The following DIS3L2 variants were observed in gnomAD, a reference collection of about 807,000 sequenced individuals.
DIS3L2 encodes DIS3 like 3'-5' exoribonuclease 2, also known as DIS3-like exonuclease 2.
A neutral mutation model predicts 97.5 loss-of-function variants in DIS3L2; 34 were observed. The ratio of observed to expected loss-of-function variants is 0.35; its 90% CI spans 0.27 to 0.46. DIS3L2 has a LOEUF of 0.46. DIS3L2 is among the 20% of genes least tolerant of loss of function. DIS3L2 has a pLI of 1.00. For missense variants in DIS3L2, 1,038 were observed against 1,146.0 expected (o/e 0.91, Z 1.36); for synonymous variants, 435 against 445.2 (o/e 0.98, Z 0.29).
intron 9 of DIS3L2, among the ~76,000 whole-genome samples, chr2:232,204,905 A>G (rs950756630): frequency 3.3e-5 from 5 of 152,108 alleles, no homozygotes; most frequent in Non-Finnish European, 5.9e-5. Context: ...GGTGATGACA[A>G]CAGATTAAAT....
At chr2:232,339,216 G>A (rs1158152074), downstream of DIS3L2, among the ~76,000 whole-genome samples, 1 of 152,248 alleles carries the variant, frequency 6.6e-6, no homozygotes, top group African/African-American at 2.4e-5. Flanking sequence ...CACAGCCTGG[G>A]GTGGCAGCCT....
rs1690716970 is a variant in DIS3L2, at chr2:232,163,534, GGATTTCTCT to G, written c.1036_1044del (p.Asp346_Ser348del). 2 of 1,614,114 alleles carry G rather than the reference GGATTTCTCT, an allele frequency of 1.2e-6. No individual in the cohort carries two copies. The highest frequency in any genetic ancestry group is 1.7e-6 in the Non-Finnish European group (2 of 1,180,014). On this transcript the variant is annotated inframe_deletion, in exon 9 of 21. Transcript: ENST00000325385. ...AAGGAATACTAACAGAGTATGGCGTGGATTTCTCTGATTTCTCTTCAGAAGTTCTAGAAT... is the reference window on the plus strand; with the variant it reads ...AAGGAATACTAACAGAGTATGGCGTGGATTTCTCTTCAGAAGTTCTAGAAT...
intron 13 of DIS3L2, among the ~76,000 whole-genome samples, chr2:232,279,716 A>G (rs1694235101): frequency 6.6e-6 from 1 of 152,056 alleles, no homozygotes; most frequent in African/African-American, 2.4e-5. Context: ...TTTTTAGTAG[A>G]GATGAGGTTT....
In DIS3L2 at chr2:232,269,955, C is replaced by A. The variant is rs867840088; in HGVS notation, c.1659+6515C>A. Among the ~76,000 whole-genome samples, 21 of 151,974 alleles carry A rather than the reference C, an allele frequency of 1.4e-4. No homozygotes were observed. The highest frequency in any genetic ancestry group is 4.8e-4 in the African/African-American group (20 of 41,352). The stretch of plus-strand genomic sequence containing the variant: ...ATGAGGGCCTAACCTGAGGTAGGGA[C>A]CGTGGGGTGAGAGAAGATGATGGAC... On this transcript the variant is annotated intron_variant, in intron 13 of 20. Transcript: ENST00000325385. This position sits in a 1 kb window ranked among gnomAD's most constrained non-coding sequence, Gnocchi z 4.5.
At chr2:232,000,364 TTATTC>T (rs1277290296) in intron 1 of DIS3L2, among the ~76,000 whole-genome samples, 1 of 152,214 alleles carries the variant, frequency 6.6e-6, no homozygotes, top group Non-Finnish European at 1.5e-5. Context: ...TCTCTTGAAC[TTATTC>T]CTCCAGTCTT....
intron 10 of DIS3L2, among the ~76,000 whole-genome samples, chr2:232,230,920 CA>C (rs1692771096): frequency 6.6e-6 from 1 of 152,130 alleles, no homozygotes; most frequent in Admixed American, 6.5e-5. Flanking sequence ...GCCCACCCCC[CA>C]TCCTTCGCTC....
chr2:232,050,800 G>T (rs769395081), intron 5 of DIS3L2, among the ~76,000 whole-genome samples: 1 of 152,208 alleles, frequency 6.6e-6, no homozygotes, highest in Non-Finnish European at 1.5e-5. Context: ...TACCCTCGAT[G>T]AATTTGGAGA....
At chr2:232,041,722 T>A (rs1325113691) in intron 5 of DIS3L2, among the ~76,000 whole-genome samples, 1 of 152,180 alleles carries the variant, frequency 6.6e-6, no homozygotes, top group Non-Finnish European at 1.5e-5. Context: ...CAAAACAATG[T>A]GATACAGAAC....
At chr2:232,091,340 ACT>A (rs1401198929) in intron 6 of DIS3L2, among the ~76,000 whole-genome samples, 1 of 151,582 alleles carries the variant, frequency 6.6e-6, no homozygotes, top group African/African-American at 2.4e-5. Context: ...TCATCCTTCT[ACT>A]CTCTATCTCC....
chr2:232,312,985 A>C (rs1372015270), intron 14 of DIS3L2, among the ~76,000 whole-genome samples: 2 of 152,182 alleles, frequency 1.3e-5, no homozygotes, highest in African/African-American at 4.8e-5. Context: ...TTTTCATAAC[A>C]ATATTTCAGT....
chr2:232,000,338 C>T (rs898695092), intron 1 of DIS3L2, among the ~76,000 whole-genome samples: 3 of 152,002 alleles, frequency 2.0e-5, no homozygotes, highest in East Asian at 1.9e-4. Flanking sequence ...CTCTAGTTGC[C>T]GTGATATACA....
chr2:232,238,856 C>G (rs1001763020), intron 11 of DIS3L2, among the ~76,000 whole-genome samples: 2 of 152,158 alleles, frequency 1.3e-5, no homozygotes, highest in Admixed American at 1.3e-4. Context: ...AAAATACCTG[C>G]TTTCAAACGA....
chr2:232,333,144 CCACCACCTCCTCCTT>C (rs1457764858), intron 16 of DIS3L2, among the ~76,000 whole-genome samples: 53 of 150,096 alleles, frequency 3.5e-4, no homozygotes, highest in South Asian at 3.4e-3. Context: ...CCTCCTCCTT[CCACCACCTCCTCCTT>C]CTCCTCCTCC....
chr2:232,181,909 C>G (rs1691289238), intron 9 of DIS3L2, among the ~76,000 whole-genome samples: 1 of 152,158 alleles, frequency 6.6e-6, no homozygotes, highest in South Asian at 2.1e-4. Flanking sequence ...ACCTCAGCCT[C>G]CCAAAGTGCT....
chr2:232,078,400 G>C (rs901672939), intron 5 of DIS3L2, among the ~76,000 whole-genome samples: 1 of 152,108 alleles, frequency 6.6e-6, no homozygotes, highest in African/African-American at 2.4e-5. Context: ...CGCTCCCCGG[G>C]AGGAAGGGTT....
At chr2:232,006,866 C>G (rs1468047065) in intron 1 of DIS3L2, among the ~76,000 whole-genome samples, 2 of 147,364 alleles carry the variant, frequency 1.4e-5, no homozygotes, top group African/African-American at 5.3e-5. Flanking sequence ...GCACAAAAAA[C>G]AAGCAAACTG....
In DIS3L2 at chr2:232,270,859, CG is replaced by C. The variant is rs1280932785; in HGVS notation, c.1659+7420del. ...GCGCACTCGCGCGCTCTCTTTTTCT[CG>C]TCTCTCTCTCTCTCTCTCTCTCTCT... On this transcript the variant is annotated intron_variant, in intron 13 of 20. Coordinates refer to ENST00000325385, the MANE Select transcript of DIS3L2 (RefSeq NM_152383.5). Among the ~76,000 whole-genome samples, 4 of 105,930 alleles carry C rather than the reference CG, an allele frequency of 3.8e-5. 1 individual carries two copies. Among genetic ancestry groups the C allele is most frequent in the Non-Finnish European group, 3.9e-5 (2 of 51,884 alleles). 69.5% of individuals were successfully genotyped at this position (105,930 alleles called of 152,430 possible).
intron 9 of DIS3L2, among the ~76,000 whole-genome samples, chr2:232,186,822 G>C (rs1691450113): frequency 6.6e-6 from 1 of 152,116 alleles, no homozygotes; most frequent in Admixed American, 6.6e-5. Flanking sequence ...AATTTAAAGT[G>C]GATCGTAGAC....
chr2:232,128,001 A>C (rs1698112466), intron 6 of DIS3L2, among the ~76,000 whole-genome samples: 1 of 152,114 alleles, frequency 6.6e-6, no homozygotes, highest in Non-Finnish European at 1.5e-5. Context: ...CCAAGGCTGG[A>C]GTGCGGTGGC....
Sources: gnomAD v4.1 joint callset for allele counts (sites outside exome capture counted in the v4.1 genomes callset) on GRCh38, gnomAD v4.1.1 for gene constraint, Gnocchi (gnomAD v3.1) non-coding constraint, MANE v1.5 for transcripts, NCBI Gene and HGNC (gene_info 2026-07-23, HGNC 2026-07-21) for gene names.